LCORL: variants seen among roughly 807,000 people sequenced by gnomAD.
LCORL encodes the protein ligand dependent nuclear receptor corepressor like.
LCORL carries 41 observed loss-of-function variants against 141.8 expected under a neutral mutation model. The observed-to-expected ratio is 0.29, with a 90% CI of 0.23 to 0.38. The LOEUF (loss-of-function observed/expected upper bound fraction) is 0.38, where lower values mean the gene tolerates loss of function less well. Ranked by LOEUF, LCORL falls within the 10% of genes least tolerant of loss-of-function variation. LCORL has a pLI of 1.00. For missense variants in LCORL, 1,759 were observed against 2,035.0 expected (o/e 0.86, Z 2.61); for synonymous variants, 618 against 694.1 (o/e 0.89, Z 1.72).
intron 6 of LCORL, chr4:17,882,936 T>C: frequency 1.1e-6 from 1 of 921,480 alleles, no homozygotes; most frequent in Non-Finnish European, 1.3e-6. Context: ...AAAACTAAAT[T>C]ATTTTAATAA....
intron 5 of LCORL, among the ~76,000 whole-genome samples, chr4:17,887,730 C>A (rs1728486471): frequency 6.6e-6 from 1 of 152,138 alleles, no homozygotes; most frequent in African/African-American, 2.4e-5. Context: ...GGAAGACTGA[C>A]ATGATTTCAA....
chr4:17,944,611 G>C (rs1323631932), intron 4 of LCORL, among the ~76,000 whole-genome samples: 1 of 151,986 alleles, frequency 6.6e-6, no homozygotes, highest in Non-Finnish European at 1.5e-5. Flanking sequence ...AATGCTCCAA[G>C]CTCATCTTTA....
At chr4:17,922,795 T>C (rs1734504660) in intron 4 of LCORL, among the ~76,000 whole-genome samples, 1 of 152,198 alleles carries the variant, frequency 6.6e-6, no homozygotes, top group Non-Finnish European at 1.5e-5. Flanking sequence ...CTGATGAGGC[T>C]GGGAACACTG....
chr4:17,926,468 C>T (rs751105613), intron 4 of LCORL, among the ~76,000 whole-genome samples: 3 of 152,078 alleles, frequency 2.0e-5, no homozygotes, highest in Admixed American at 2.0e-4. Context: ...TTCAGCTTTT[C>T]GACTCTTGGA....
At chr4:17,843,111 T>G (rs983323065) in exon 8 of LCORL, 3 of 498,836 alleles carry the variant, frequency 6.0e-6, no homozygotes, top group African/African-American at 4.0e-5. Context: ...AGATTTTCCC[T>G]GATTCACTTT....
chr4:17,966,262 G>C (rs999445433), intron 2 of LCORL, among the ~76,000 whole-genome samples: 1 of 151,914 alleles, frequency 6.6e-6, no homozygotes, highest in African/African-American at 2.4e-5. Context: ...AGACAAATCT[G>C]GCTAGCCAAT....
intron 4 of LCORL, among the ~76,000 whole-genome samples, chr4:17,918,746 G>A (rs1385772274): frequency 1.3e-5 from 2 of 152,070 alleles, no homozygotes; most frequent in African/African-American, 4.8e-5. Context: ...ATCAAGATTT[G>A]CAAAAGGTAT....
chr4:17,916,189 T>G (rs1169052525), intron 4 of LCORL, among the ~76,000 whole-genome samples: 3 of 152,342 alleles, frequency 2.0e-5, no homozygotes, highest in Non-Finnish European at 4.4e-5. Context: ...TCTTACACAC[T>G]GTTACGTTTC....
At chr4:17,907,626 C>T (rs1731847800) in intron 5 of LCORL, among the ~76,000 whole-genome samples, 1 of 152,078 alleles carries the variant, frequency 6.6e-6, no homozygotes. Context: ...CTTAAGCCTT[C>T]ACAGGTGTCC....
At chr4:17,936,437 C>T (rs1054976872) in intron 4 of LCORL, among the ~76,000 whole-genome samples, 5 of 151,176 alleles carry the variant, frequency 3.3e-5, no homozygotes, top group Admixed American at 1.3e-4. Flanking sequence ...AGTGGCAGGG[C>T]GTAGAACACT....
chr4:17,948,710 A>T (rs1739265041), intron 4 of LCORL, among the ~76,000 whole-genome samples: 1 of 152,042 alleles, frequency 6.6e-6, no homozygotes, highest in Admixed American at 6.6e-5. Flanking sequence ...AATAACATTT[A>T]AGGGATGAAA....
At chr4:17,978,494 G>T (rs1717392495) in intron 1 of LCORL, among the ~76,000 whole-genome samples, 1 of 151,904 alleles carries the variant, frequency 6.6e-6, no homozygotes. Context: ...AGCTAATTGG[G>T]TGGCTGAAGT....
intron 4 of LCORL, among the ~76,000 whole-genome samples, chr4:17,948,868 A>C (rs192654414): frequency 3.3e-5 from 5 of 151,558 alleles, no homozygotes; most frequent in Non-Finnish European, 7.4e-5. Context: ...AGAGGAGAAA[A>C]CGGTACAGTG....
chr4:17,923,002 G>A (rs534969215), intron 4 of LCORL, among the ~76,000 whole-genome samples: 11 of 152,270 alleles, frequency 7.2e-5, no homozygotes, highest in Admixed American at 1.3e-4. Flanking sequence ...AGACAGTGAC[G>A]ATTCTCCTCA....
intron 7 of LCORL, among the ~76,000 whole-genome samples, chr4:17,858,014 TAAG>T (rs1189351814): frequency 6.6e-6 from 1 of 152,088 alleles, no homozygotes; most frequent in Non-Finnish European, 1.5e-5. Context: ...TGATCCATAA[TAAG>T]GGGAAAAGTC....
At chr4:17,915,946 C>G (rs992403037) in intron 4 of LCORL, among the ~76,000 whole-genome samples, 2 of 152,142 alleles carry the variant, frequency 1.3e-5, no homozygotes, top group Non-Finnish European at 2.9e-5. Flanking sequence ...CATGGTGAAA[C>G]CAACCCAACT....
chr4:17,951,433 T>A (rs905861051), intron 4 of LCORL, among the ~76,000 whole-genome samples: 1 of 152,220 alleles, frequency 6.6e-6, no homozygotes, highest in Non-Finnish European at 1.5e-5. Flanking sequence ...ACCTACCACA[T>A]GCCAAATCCA....
At chr4:17,938,142 A>G (rs1455571177) in intron 4 of LCORL, among the ~76,000 whole-genome samples, 1 of 150,560 alleles carries the variant, frequency 6.6e-6, no homozygotes, top group African/African-American at 2.4e-5. Context: ...AGTAGCTGGG[A>G]TTACAGGCAT....
chr4:17,841,978 CAAT>C (rs982881257), exon 8 of LCORL: 53 of 205,834 alleles, frequency 2.6e-4, no homozygotes, highest in African/African-American at 1.1e-3. Flanking sequence ...TGTGCTATAG[CAAT>C]AATAGAGGTA....
Sources: gnomAD v4.1 joint callset for allele counts (sites outside exome capture counted in the v4.1 genomes callset) on GRCh38, gnomAD v4.1.1 for gene constraint, MANE v1.5 for transcripts, NCBI Gene and HGNC (gene_info 2026-07-23, HGNC 2026-07-21) for gene names.